RP1L1: variants seen among roughly 807,000 people sequenced by gnomAD.
RP1L1 encodes the protein retinitis pigmentosa 1-like 1 protein.
Under a neutral mutation model 15.7 loss-of-function variants are expected in RP1L1, and 27 were observed. The observed-to-expected ratio is 1.72, with a 90% CI of 1.27 to 2.38. The LOEUF (loss-of-function observed/expected upper bound fraction) is 2.38, where lower values mean the gene tolerates loss of function less well. Ranked by LOEUF, RP1L1 falls within the 30% of genes most tolerant of loss-of-function variation. The pLI, the probability that RP1L1 is intolerant of heterozygous loss-of-function variation, is 0.00. For missense variants in RP1L1, 4,798 were observed against 3,075.9 expected, an observed-to-expected ratio of 1.56 and a Z score of -13.24; for synonymous variants, 1,813 against 1,276.7, an observed-to-expected ratio of 1.42 and a Z score of -8.96.
chr8:10,629,551 A>G (rs1798209249), intron 1 of RP1L1, among the ~76,000 whole-genome samples: 1 of 152,224 alleles, frequency 6.6e-6, no homozygotes, highest in Non-Finnish European at 1.5e-5. Flanking sequence ...TTTAAACCAC[A>G]GGTGTGGTCC....
At chr8:10,632,897 C>T (rs1201289377) in intron 1 of RP1L1, among the ~76,000 whole-genome samples, 2 of 152,162 alleles carry the variant, frequency 1.3e-5, no homozygotes, top group Non-Finnish European at 2.9e-5. Context: ...CCCAGCCCAT[C>T]CTTCAGCGCC....
chr8:10,634,513 T>A (rs1030610639), intron 1 of RP1L1, among the ~76,000 whole-genome samples: 3 of 152,134 alleles, frequency 2.0e-5, no homozygotes, highest in African/African-American at 7.2e-5. Context: ...GAGGATCAGG[T>A]CTGGTGTTGC....
In RP1L1 at chr8:10,608,837, C is replaced by G; in HGVS notation, c.5261G>C (p.Arg1754Thr). ...CTCCCCGAGTTTGGGATCTTTGTCT[C>G]TGTTGAGTCTCTGGCTCCCCTCGCC... Reference protein sequence around the residue: ...EDGEGSQRLNRDKDPKLGEAE... With the variant: ...EDGEGSQRLNTDKDPKLGEAE... Residue 1754 changes from arginine to threonine, a missense_variant, in exon 4 of 4, where the codon AGA becomes ACA. Transcript: ENST00000382483. The G allele has an allele frequency of 6.2e-7, 1 of 1,614,088 alleles. No homozygotes were observed.
intron 1 of RP1L1, among the ~76,000 whole-genome samples, chr8:10,631,378 A>T (rs202235348): frequency 2.6e-4 from 1 of 3,786 alleles, no homozygotes; most frequent in African/African-American, 6.8e-4. Flanking sequence ...CATGCACACA[A>T]ACACACATGC....
intron 1 of RP1L1, among the ~76,000 whole-genome samples, chr8:10,651,745 G>A (rs1055228652): frequency 7.3e-5 from 10 of 137,924 alleles, no homozygotes; most frequent in South Asian, 6.9e-4. Context: ...AACAGAGCGA[G>A]ACTCCGTCTT....
At chr8:10,632,805 G>T (rs919679959) in intron 1 of RP1L1, among the ~76,000 whole-genome samples, 1 of 152,230 alleles carries the variant, frequency 6.6e-6, no homozygotes, top group South Asian at 2.1e-4. Flanking sequence ...ACGAGGTCAA[G>T]ATGAGGAGTT....
chr8:10,610,504 G>A lies in RP1L1; in HGVS notation c.3594C>T (p.Ser1198=), dbSNP rs1435281900. ...AMTENFTPTS[S]SGVDISSGSG... ...AGCCGCTGCTGATGTCCACACCAGA[G>A]GAGGATGTGGGCGTGAAGTTCTCCG... The change falls in exon 4 of 4, where the codon TCC becomes TCT. Residue 1198 remains serine (S), a synonymous_variant. Coordinates refer to ENST00000382483, the MANE Select transcript of RP1L1 (RefSeq NM_178857.6). 6.2e-7 allele frequency: 1 copy of A among 1,613,708 alleles called. No individual in the cohort carries two copies. The highest frequency in any genetic ancestry group is 8.5e-7 in the Non-Finnish European group (1 of 1,180,036).
Position 10,610,678 on chromosome 8 carries a change from C to G in RP1L1, c.3420G>C (p.Arg1140Ser). The change falls in exon 4 of 4, where the codon AGG becomes AGC. Residue 1140 changes from arginine (R) to serine (S), a missense_variant. Arg to Ser is a moderately radical substitution (Grantham distance 110). Transcript: ENST00000382483. ...CCTGGTACCGAGGGGAGTCTTTGAA[C>G]CTCACTTTGCTGGCAGGAGACCCAA... Reference protein sequence around the residue: ...EDLGSPASKVRFKDSPRYQEL... With the variant: ...EDLGSPASKVSFKDSPRYQEL... The G allele has an allele frequency of 6.2e-7, 1 of 1,612,366 alleles. No individual in the cohort carries two copies. Among genetic ancestry groups the G allele is most frequent in the East Asian group, 2.2e-5 (1 of 44,846 alleles).
At chr8:10,623,681 C>T (rs1178007723) in intron 1 of RP1L1, among the ~76,000 whole-genome samples, 2 of 151,254 alleles carry the variant, frequency 1.3e-5, no homozygotes, top group South Asian at 2.1e-4. Flanking sequence ...ACATCTGTAG[C>T]ACCTCCATGT....
In RP1L1 at chr8:10,607,667, TCAG is replaced by T. The variant is rs1797732197; in HGVS notation, c.6428_6430del (p.Pro2143_Glu2144delinsGln). 1 of 1,588,982 alleles carries T rather than the reference TCAG, an allele frequency of 6.3e-7. No individual in the cohort carries two copies. Among genetic ancestry groups the T allele is most frequent in the African/African-American group, 1.4e-5 (1 of 73,086 alleles). ...ATCCTGGGCCTCTACACCTTCTGAC[TCAG>T]GCTGGGCCTCCCCTTCAGCCTCTGG... is the stretch of plus-strand genomic sequence containing the variant. On this transcript the variant is annotated inframe_deletion, in exon 4 of 4. Transcript: ENST00000382483.
At chr8:10,644,843 T>G (rs1266978154) in intron 1 of RP1L1, among the ~76,000 whole-genome samples, 2 of 152,208 alleles carry the variant, frequency 1.3e-5, no homozygotes, top group Non-Finnish European at 2.9e-5. Context: ...CAGCCAGGGA[T>G]GAGAACCACA....
chr8:10,632,870 C>T (rs548381805), intron 1 of RP1L1, among the ~76,000 whole-genome samples: 1 of 152,324 alleles, frequency 6.6e-6, no homozygotes, highest in Admixed American at 6.5e-5. Context: ...CAAGAATGAG[C>T]TATCCCTTTA....
chr8:10,631,257 ACACACG>A (rs1476219819), intron 1 of RP1L1, among the ~76,000 whole-genome samples: 3 of 151,792 alleles, frequency 2.0e-5, no homozygotes, highest in Non-Finnish European at 1.5e-5. Context: ...ACACATGCAC[ACACACG>A]CACACAAACA....
rs567930383 is a variant in RP1L1 at position 10,636,587 on chromosome 8, T to G, written c.-19-13367A>C. On this transcript the variant is annotated intron_variant, in intron 1 of 3. Coordinates refer to ENST00000382483, the MANE Select transcript of RP1L1 (RefSeq NM_178857.6). ...AGGACTCTCCTTCACAACGGCCTCC[T>G]CGGATGAAAGGCGTGGGGGCAACAG... Among the ~76,000 whole-genome samples, 20 of 151,894 alleles carry G rather than the reference T, an allele frequency of 1.3e-4. No individual in the cohort carries two copies. The South Asian group carries it at 4.0e-3, about 30-fold the overall frequency.
At chr8:10,639,141 CAAAA>C (rs1273243466) in intron 1 of RP1L1, among the ~76,000 whole-genome samples, 1 of 126,768 alleles carries the variant, frequency 7.9e-6, no homozygotes, top group Non-Finnish European at 1.7e-5. Context: ...GAGACTGTCT[CAAAA>C]AAAAAAAAGA....
intron 1 of RP1L1, among the ~76,000 whole-genome samples, chr8:10,639,428 A>G (rs1798377382): frequency 6.6e-6 from 1 of 152,162 alleles, no homozygotes; most frequent in South Asian, 2.1e-4. Flanking sequence ...GCTGGAGTGC[A>G]GTGACACAAT....
intron 3 of RP1L1, among the ~76,000 whole-genome samples, chr8:10,614,018 G>A (rs1019730376): frequency 3.3e-5 from 5 of 152,202 alleles, no homozygotes; most frequent in African/African-American, 7.2e-5. Flanking sequence ...GCATGGCTGT[G>A]CATATAAAAC....
rs370508607 is a variant in RP1L1 at position 10,612,481 on chromosome 8, G to C, written c.1617C>G (p.Thr539=). 1 of 1,612,566 alleles carries C rather than the reference G, an allele frequency of 6.2e-7. No individual in the cohort carries two copies. The highest frequency in any genetic ancestry group is 8.5e-7 in the Non-Finnish European group (1 of 1,179,990). ...ATTCGCTGGATCCCTCATGAGAGCC[G>C]GTGCTGGCTGACGAGTCCGAAGAAG... ...EGASSDSSAS[T]GSHEGSSEWG... The change falls in exon 4 of 4, where the codon ACC becomes ACG. Residue 539 remains threonine (T), a synonymous_variant. Transcript: ENST00000382483.
Position 10,606,524 on chromosome 8 carries a change from C to G in RP1L1, c.*371G>C, listed in dbSNP as rs186479019. On this transcript the variant is annotated 3_prime_UTR_variant, in exon 4 of 4. Coordinates refer to ENST00000382483, the MANE Select transcript of RP1L1 (RefSeq NM_178857.6). ...TAACAGGAGATCAACAGGGAAAAGA[C>G]AGAGAGCAACACTTGCTAGCAGAAA... 4.0e-6 allele frequency: 1 copy of G among 248,196 alleles called. No homozygotes were observed. Among genetic ancestry groups the G allele is most frequent in the Non-Finnish European group, 7.8e-6 (1 of 127,854 alleles). The allele number at this position is 248,196 out of a possible 1,614,324, so 15.4% of individuals were successfully genotyped here.
Sources: gnomAD v4.1 joint callset for allele counts (sites outside exome capture counted in the v4.1 genomes callset) on GRCh38, gnomAD v4.1.1 for gene constraint, MANE v1.5 for transcripts, NCBI Gene and HGNC (gene_info 2026-07-23, HGNC 2026-07-21) for gene names.